Variants in CLYBL observed in about 807,000 individuals in gnomAD.
CLYBL encodes the protein citramalyl-CoA lyase, mitochondrial.
CLYBL carries 31 observed loss-of-function variants against 38.9 expected under a neutral mutation model. The observed-to-expected ratio is 0.80, with a 90% CI of 0.60 to 1.08. The LOEUF (loss-of-function observed/expected upper bound fraction) is 1.08, where lower values mean the gene tolerates loss of function less well. Among genes scored for constraint, CLYBL ranks in the 50% least tolerant of loss-of-function variants. CLYBL has a pLI of 0.00. For synonymous variants in CLYBL, 171 were observed against 158.6 expected (o/e 1.08, Z -0.59); for missense variants, 434 against 411.6 (o/e 1.05, Z -0.47).
At chr13:99,663,910 GCAGA>G (rs1018996773) in intron 1 of CLYBL, among the ~76,000 whole-genome samples, 1 of 152,222 alleles carries the variant, frequency 6.6e-6, no homozygotes, top group African/African-American at 2.4e-5. Context: ...TTCACGTGAT[GCAGA>G]CAGAGATAAA....
chr13:99,879,909 A>G (rs1201724498), intron 7 of CLYBL, among the ~76,000 whole-genome samples: 2 of 152,076 alleles, frequency 1.3e-5, no homozygotes, highest in African/African-American at 4.8e-5. Flanking sequence ...GGCTGGTAAT[A>G]ATAACCAGAG....
intron 2 of CLYBL, among the ~76,000 whole-genome samples, chr13:99,852,205 G>A (rs9517898): frequency 0.47 from 71,106 of 152,020 alleles, 17,840 homozygotes; most frequent in Non-Finnish European, 0.54. Context: ...GACTTGCTAA[G>A]AAGTATGAGG....
At chr13:99,863,127 TTTTA>T in intron 4 of CLYBL, 35 bp downstream of exon 4, 1 of 1,145,658 alleles carries the variant, frequency 8.7e-7, no homozygotes, top group Non-Finnish European at 1.3e-6. Context: ...TAAGTTAGCA[TTTTA>T]TTTATCACCT....
At chr13:99,671,824 A>G (rs1350625353) in intron 1 of CLYBL, among the ~76,000 whole-genome samples, 3 of 151,566 alleles carry the variant, frequency 2.0e-5, no homozygotes, top group African/African-American at 7.3e-5. Flanking sequence ...AAGTCCTCCT[A>G]GTAGGTGACA....
chr13:99,750,609 G>T (rs1026239759), intron 1 of CLYBL, among the ~76,000 whole-genome samples: 12 of 151,766 alleles, frequency 7.9e-5, no homozygotes, highest in African/African-American at 2.9e-4. Context: ...GGGAGGCGGA[G>T]GTTGTGGTGA....
intron 1 of CLYBL, among the ~76,000 whole-genome samples, chr13:99,630,780 A>G (rs2046932236): frequency 6.6e-6 from 1 of 152,142 alleles, no homozygotes; most frequent in African/African-American, 2.4e-5. Flanking sequence ...AGCTCTTTCT[A>G]TATGCCAAGC....
intron 2 of CLYBL, among the ~76,000 whole-genome samples, chr13:99,835,735 T>C (rs1464224995): frequency 6.6e-6 from 1 of 152,088 alleles, no homozygotes; most frequent in Non-Finnish European, 1.5e-5. Flanking sequence ...CACAGCTGAG[T>C]AGTTGAACAG....
intron 1 of CLYBL, among the ~76,000 whole-genome samples, chr13:99,615,528 C>T (rs1350840340): frequency 6.6e-6 from 1 of 152,180 alleles, no homozygotes; most frequent in East Asian, 1.9e-4. Context: ...CTCATTAATT[C>T]CACACATTGC....
In CLYBL at chr13:99,794,713, T is replaced by C. The variant is rs566984655; in HGVS notation, c.249+21703T>C. On this transcript the variant is annotated intron_variant, in intron 2 of 8. Transcript: ENST00000339105. ...TTCAACCAATTCTCATGCCTCAGCCTCCCGAGTAGTTGGGATTACAGGCAT... is the reference window on the plus strand; with the variant it reads ...TTCAACCAATTCTCATGCCTCAGCCCCCCGAGTAGTTGGGATTACAGGCAT... 3.3e-5 allele frequency among the ~76,000 whole-genome samples: 5 copies of C among 151,844 alleles called. No individual in the cohort carries two copies. The South Asian group carries it at 1.0e-3, about 32-fold the overall frequency.
At chr13:99,660,952 A>T (rs1483666618) in intron 1 of CLYBL, among the ~76,000 whole-genome samples, 2 of 152,194 alleles carry the variant, frequency 1.3e-5, no homozygotes, top group Non-Finnish European at 2.9e-5. Context: ...TTTTTAAAAA[A>T]TGTTGCTACA....
downstream of CLYBL, chr13:99,896,865 T>C (rs1003201767): frequency 6.6e-6 from 1 of 152,212 alleles, no homozygotes; most frequent in African/African-American, 2.4e-5. Context: ...GCCGAACTTT[T>C]TGAAGGGATT....
intron 2 of CLYBL, among the ~76,000 whole-genome samples, chr13:99,842,923 G>T (rs954817308): frequency 6.6e-6 from 1 of 150,926 alleles, no homozygotes; most frequent in Non-Finnish European, 1.5e-5. Flanking sequence ...ATCCCTTTGC[G>T]GGGGGAAAAA....
At chr13:99,844,455 A>G (rs1489020634) in intron 2 of CLYBL, among the ~76,000 whole-genome samples, 1 of 152,186 alleles carries the variant, frequency 6.6e-6, no homozygotes, top group South Asian at 2.1e-4. Flanking sequence ...GAACACATGT[A>G]TTTTGTCCCC....
At chr13:99,641,514 A>G (rs2047093568) in intron 1 of CLYBL, among the ~76,000 whole-genome samples, 1 of 152,068 alleles carries the variant, frequency 6.6e-6, no homozygotes, top group Non-Finnish European at 1.5e-5. Context: ...CTAGAAGTAC[A>G]GAAAATTAGC....
intron 1 of CLYBL, among the ~76,000 whole-genome samples, chr13:99,700,144 A>C (rs1771252405): frequency 6.6e-6 from 1 of 151,870 alleles, no homozygotes; most frequent in South Asian, 2.1e-4. Flanking sequence ...AACAACAAAC[A>C]CACCCACGGT....
intron 1 of CLYBL, among the ~76,000 whole-genome samples, chr13:99,689,764 AC>A (rs1471875752): frequency 1.1e-5 from 1 of 93,552 alleles, no homozygotes; most frequent in Non-Finnish European, 2.1e-5. Flanking sequence ...AGCAGCTTCA[AC>A]TTTTTCAAGT....
In CLYBL at chr13:99,625,043, C is replaced by G. The variant is rs564555210; in HGVS notation, c.62+18286C>G. 1.8e-4 allele frequency among the ~76,000 whole-genome samples: 28 copies of G among 152,300 alleles called. No individual in the cohort carries two copies. In the South Asian group the frequency reaches 5.4e-3, roughly 29 times the overall value. The stretch of plus-strand genomic sequence containing the variant: ...TGGACTCATAGGCTCAGTTCTGTTC[C>G]CTCCTTATGGCCAGCGTGTGGAAGA... On this transcript the variant is annotated intron_variant, in intron 1 of 8. Coordinates refer to ENST00000339105, the MANE Select transcript of CLYBL (RefSeq NM_206808.5).
At position 99,853,959 on chromosome 13, in the gene CLYBL, C is replaced by T. The variant is rs561996548; in HGVS notation, c.250-4902C>T. On this transcript the variant is annotated intron_variant, in intron 2 of 8. Transcript: ENST00000339105. ...GCCCGTGACATGACATCATTTTACA[C>T]ATTAGATGAAATGAAAATCAGATGA... Among the ~76,000 whole-genome samples, 9 of 152,272 alleles carry T rather than the reference C, an allele frequency of 5.9e-5. 1 individual carries two copies. The South Asian group carries it at 1.5e-3, about 25-fold the overall frequency.
intron 2 of CLYBL, among the ~76,000 whole-genome samples, chr13:99,778,184 G>A (rs2049562374): frequency 6.6e-6 from 1 of 152,204 alleles, no homozygotes; most frequent in South Asian, 2.1e-4. Flanking sequence ...GTCCAGATAA[G>A]CCTGAAACTT....
Sources: gnomAD v4.1 joint callset for allele counts (sites outside exome capture counted in the v4.1 genomes callset) on GRCh38, gnomAD v4.1.1 for gene constraint, MANE v1.5 for transcripts, NCBI Gene and HGNC (gene_info 2026-07-23, HGNC 2026-07-21) for gene names.